Variants in SIPA1L3 observed in about 807,000 individuals in gnomAD.
SIPA1L3 encodes the protein signal-induced proliferation-associated 1-like protein 3.
Under a neutral mutation model 150.1 loss-of-function variants are expected in SIPA1L3, and 59 were observed. The observed-to-expected ratio is 0.39, with a 90% CI of 0.32 to 0.49. The LOEUF (loss-of-function observed/expected upper bound fraction) is 0.49. SIPA1L3 is among the 20% of genes least tolerant of loss of function. SIPA1L3 has a pLI of 0.86. For synonymous variants in SIPA1L3, 1,070 were observed against 1,077.6 expected, an observed-to-expected ratio of 0.99 and a Z score of 0.14; for missense variants, 2,211 against 2,489.5, an observed-to-expected ratio of 0.89 and a Z score of 2.38.
chr19:37,971,980 A>G (rs1966952181), intron 1 of SIPA1L3, among the ~76,000 whole-genome samples: 1 of 152,190 alleles, frequency 6.6e-6, no homozygotes, highest in Non-Finnish European at 1.5e-5. Flanking sequence ...TTATCCAGGC[A>G]TCACCTGATG....
chr19:38,124,077 C>T (rs370482000), intron 9 of SIPA1L3, among the ~76,000 whole-genome samples: 15 of 149,940 alleles, frequency 1.0e-4, no homozygotes, highest in South Asian at 4.2e-4. Flanking sequence ...ACCTCCCGGA[C>T]GGGGCGGCTG....
intron 1 of SIPA1L3, among the ~76,000 whole-genome samples, chr19:37,933,260 T>C (rs55845247): frequency 2.4e-4 from 36 of 152,088 alleles, no homozygotes; most frequent in African/African-American, 8.7e-4. Flanking sequence ...TTGCCCTGGC[T>C]GTTCCCTCTG....
Position 38,142,670 on chromosome 19 carries a change from G to T in SIPA1L3, c.3493G>T (p.Gly1165Cys), listed in dbSNP as rs374163796. 6.2e-7 allele frequency: 1 copy of T among 1,613,854 alleles called. No homozygotes were observed. The highest frequency in any genetic ancestry group is 1.3e-5 in the African/African-American group (1 of 74,886). The change falls in exon 12 of 22, where the codon GGT (glycine) becomes TGT (cysteine). Residue 1165 changes from glycine (G) to cysteine (C), a missense_variant. Transcript: ENST00000222345. ...GCCTTCTGGGAGCTTCTCCACCCCCGGTTCGGCCACCTACGTGAGATACAA... is the reference window on the plus strand; with the variant it reads ...GCCTTCTGGGAGCTTCTCCACCCCCTGTTCGGCCACCTACGTGAGATACAA... ...RQPSGSFSTP[G>C]SATYVRYKPS...
At chr19:38,195,373 G>A (rs1433143616) in intron 18 of SIPA1L3, among the ~76,000 whole-genome samples, 1 of 152,162 alleles carries the variant, frequency 6.6e-6, no homozygotes, top group Non-Finnish European at 1.5e-5. Context: ...GCCCTCCCCT[G>A]CGCTCCCTTC....
chr19:37,957,565 T>C (rs1394311359), intron 1 of SIPA1L3, among the ~76,000 whole-genome samples: 1 of 150,272 alleles, frequency 6.7e-6, no homozygotes, highest in African/African-American at 2.4e-5. Flanking sequence ...TTTTCTTTTT[T>C]CTTTTCTTTT....
intron 19 of SIPA1L3, among the ~76,000 whole-genome samples, chr19:38,201,204 G>A (rs1169185789): frequency 6.6e-6 from 1 of 152,210 alleles, no homozygotes; most frequent in Non-Finnish European, 1.5e-5. Flanking sequence ...ACTGTTGGAG[G>A]GCACTAGGGC....
chr19:38,162,697 C>T (rs541728938), intron 14 of SIPA1L3, among the ~76,000 whole-genome samples: 16 of 152,306 alleles, frequency 1.1e-4, no homozygotes, highest in South Asian at 8.3e-4. Context: ...CCTGTAACAG[C>T]GCAGTGCAGG....
At chr19:38,127,190 C>T (rs1384833856) in intron 9 of SIPA1L3, among the ~76,000 whole-genome samples, 1 of 151,808 alleles carries the variant, frequency 6.6e-6, no homozygotes, top group African/African-American at 2.4e-5. Flanking sequence ...GAAACTCCGT[C>T]TCAAAAAAAA....
intron 1 of SIPA1L3, among the ~76,000 whole-genome samples, chr19:37,910,745 C>T (rs1273645271): frequency 6.6e-6 from 1 of 152,178 alleles, no homozygotes; most frequent in Non-Finnish European, 1.5e-5. Flanking sequence ...TCTGGGATTA[C>T]AGGCATATGC....
At chr19:37,992,098 T>A (rs1414147921) in intron 1 of SIPA1L3, among the ~76,000 whole-genome samples, 1 of 127,356 alleles carries the variant, frequency 7.9e-6, no homozygotes, top group Non-Finnish European at 1.7e-5. Context: ...AACCACCACT[T>A]CCAGCTCCAG....
Position 37,966,267 on chromosome 19 carries a change from C to T in SIPA1L3, c.-379+58909C>T, listed in dbSNP as rs79620580. 5.0e-3 allele frequency among the ~76,000 whole-genome samples: 766 copies of T among 152,326 alleles called. 8 individuals carry two copies. Among genetic ancestry groups the T allele is most frequent in the African/African-American group, 0.016 (645 of 41,564 alleles). On this transcript the variant is annotated intron_variant, in intron 1 of 21. Transcript: ENST00000222345. ...GGGAGCTGGCAGGTTCCGTCCTTCC[C>T]AGCTTGCCACAGTGGCCTCGGGCAC...
At chr19:38,016,513 T>C (rs1968235422) in intron 1 of SIPA1L3, among the ~76,000 whole-genome samples, 1 of 152,110 alleles carries the variant, frequency 6.6e-6, no homozygotes, top group Admixed American at 6.6e-5. Flanking sequence ...GTCTTCTTTT[T>C]TGAGATGGAG....
intron 2 of SIPA1L3, among the ~76,000 whole-genome samples, chr19:38,043,502 C>A (rs867108004): frequency 2.9e-4 from 44 of 152,286 alleles, no homozygotes; most frequent in African/African-American, 9.4e-4. Context: ...TACCACTGTT[C>A]GCTCAGAACC....
intron 1 of SIPA1L3, among the ~76,000 whole-genome samples, chr19:37,933,757 C>T (rs912650377): frequency 1.3e-5 from 2 of 152,234 alleles, no homozygotes; most frequent in African/African-American, 4.8e-5. Context: ...TCCTGTCCTG[C>T]AACCCCTGCA....
At chr19:37,923,923 A>T (rs967089714) in intron 1 of SIPA1L3, among the ~76,000 whole-genome samples, 1 of 151,672 alleles carries the variant, frequency 6.6e-6, no homozygotes. Context: ...ACTGTAATCT[A>T]GTTTGTTTGT....
chr19:38,076,873 C>T (rs1969849787), intron 2 of SIPA1L3, among the ~76,000 whole-genome samples: 1 of 152,096 alleles, frequency 6.6e-6, no homozygotes, highest in African/African-American at 2.4e-5. Flanking sequence ...GCACTGTTTA[C>T]AAAATATATT....
At chr19:38,112,024 C>T (rs999970636) in intron 8 of SIPA1L3, among the ~76,000 whole-genome samples, 8 of 149,610 alleles carry the variant, frequency 5.3e-5, no homozygotes, top group South Asian at 2.1e-4. Context: ...TGCACACACA[C>T]GTATGCACAC....
In SIPA1L3 at chr19:38,082,747, C is replaced by T; in HGVS notation, c.1182C>T (p.Gly394=). The T allele has an allele frequency of 6.2e-7, 1 of 1,612,836 alleles. No homozygotes were observed. The highest frequency in any genetic ancestry group is 8.5e-7 in the Non-Finnish European group (1 of 1,179,854). The change falls in exon 3 of 22, where the codon GGC becomes GGT. Residue 394 remains glycine (G), a synonymous_variant. Transcript: ENST00000222345. The stretch of plus-strand genomic sequence containing the variant: ...CCTCGCGGGCCCACAGCCTCGGAGG[C>T]CTGGACCCGGCCTTCACCAGCACAG... ...LTASRAHSLG[G]LDPAFTSTED... is the part of the protein sequence containing the mutation.
intron 3 of SIPA1L3, 140 bp downstream of exon 3, chr19:38,083,239 G>T: frequency 1.1e-6 from 1 of 912,846 alleles, no homozygotes; most frequent in Non-Finnish European, 1.6e-6. Context: ...CCTTCTGGAG[G>T]GCTGTGAGGA....
Sources: gnomAD v4.1 joint callset for allele counts (sites outside exome capture counted in the v4.1 genomes callset) on GRCh38, gnomAD v4.1.1 for gene constraint, MANE v1.5 for transcripts, NCBI Gene and HGNC (gene_info 2026-07-23, HGNC 2026-07-21) for gene names.